Variants in ZNF516 observed in about 807,000 individuals in gnomAD.
ZNF516 encodes zinc finger protein 516.
In ZNF516, 19 loss-of-function variants were observed where a neutral mutation model predicts 79.7. The observed-to-expected ratio is 0.24, with a 90% CI of 0.17 to 0.35. The LOEUF (loss-of-function observed/expected upper bound fraction) is 0.35, where lower values mean the gene tolerates loss of function less well. Ranked by LOEUF, ZNF516 falls within the 10% of genes least tolerant of loss-of-function variation. ZNF516 has a pLI of 1.00. For missense variants in ZNF516, 1,678 were observed against 1,679.5 expected (o/e 1.00, Z 0.02); for synonymous variants, 877 against 739.5 (o/e 1.19, Z -3.02).
rs144536237 is a variant in ZNF516 at position 76,486,654 on chromosome 18, C to T, written c.-272+8490G>A. On this transcript the variant is annotated intron_variant, in intron 1 of 6. Transcript: ENST00000443185. ...AGCCAGCACCAGCAACTCCCCAGGG[C>T]GGTGAGAGACGTTGTCTACCTGGTT... Among the ~76,000 whole-genome samples, 313 of 147,460 alleles carry T rather than the reference C, an allele frequency of 2.1e-3. 2 individuals are homozygous for T. The highest frequency in any genetic ancestry group is 0.017 in the Middle Eastern group (5 of 290).
At chr18:76,396,609 A>ATCACAATT (rs1327386816) in intron 3 of ZNF516, among the ~76,000 whole-genome samples, 1 of 152,214 alleles carries the variant, frequency 6.6e-6, no homozygotes. Flanking sequence ...GGGAAACTTG[A>ATCACAATT]TGAAATCAGG....
At chr18:76,397,090 C>T (rs1168683280) in intron 3 of ZNF516, among the ~76,000 whole-genome samples, 2 of 152,174 alleles carry the variant, frequency 1.3e-5, no homozygotes, top group Admixed American at 6.5e-5. Context: ...TCAGAGGCTA[C>T]GCAGTTCAGA....
At chr18:76,416,527 T>C (rs1039713334) in intron 3 of ZNF516, among the ~76,000 whole-genome samples, 2 of 152,250 alleles carry the variant, frequency 1.3e-5, no homozygotes, top group Non-Finnish European at 2.9e-5. Context: ...AATAAAACTT[T>C]AATCCAAGCA....
Position 76,441,719 on chromosome 18 carries a change from C to A in ZNF516, c.1336G>T (p.Asp446Tyr), listed in dbSNP as rs1328169247. 6.4e-7 allele frequency: 1 copy of A among 1,573,328 alleles called. No homozygotes were observed. Among genetic ancestry groups the A allele is most frequent in the Non-Finnish European group, 8.6e-7 (1 of 1,163,974 alleles). ...YGAWDEALAG[D>Y]VAFDKDRREY... ...CGCCTGTCCTTGTCGAAGGCCACGTCCCCGGCCAGCGCCTCGTCCCAGGCC... is the reference window on the plus strand; with the variant it reads ...CGCCTGTCCTTGTCGAAGGCCACGTACCCGGCCAGCGCCTCGTCCCAGGCC... The change falls in exon 3 of 7, where the codon GAC (aspartate) becomes TAC (tyrosine). Residue 446 changes from aspartate to tyrosine, a missense_variant. Around this residue, in one of 5 missense-constraint regions of ZNF516, gnomAD observed 1,294 missense variants for 1,248.3 expected, o/e 1.04. Coordinates refer to ENST00000443185, the MANE Select transcript of ZNF516 (RefSeq NM_014643.4).
intron 1 of ZNF516, among the ~76,000 whole-genome samples, chr18:76,481,622 G>T (rs926659758): frequency 1.8e-4 from 28 of 152,194 alleles, no homozygotes; most frequent in African/African-American, 6.0e-4. Context: ...CGGGTAAAAG[G>T]GGATGGGAAT....
intron 3 of ZNF516, among the ~76,000 whole-genome samples, chr18:76,381,312 C>T (rs2074889109): frequency 6.6e-6 from 1 of 152,172 alleles, no homozygotes; most frequent in Non-Finnish European, 1.5e-5. Flanking sequence ...ATCTAGACAT[C>T]GAAACAGGGC....
In ZNF516 at chr18:76,379,365, C is replaced by A. The variant is rs983215262; in HGVS notation, c.2749G>T (p.Val917Leu). The A allele has an allele frequency of 6.3e-7, 1 of 1,594,976 alleles. No homozygotes were observed. The highest frequency in any genetic ancestry group is 2.2e-5 in the East Asian group (1 of 44,650). ...KPRQEASSKP[V>L]PAPGGGGFSR... ...AAGCCCCCGCCACCCGGGGCAGGCACCGGTTTGGAGCTAGCCTCCTGCCTG... is the reference window on the plus strand; with the variant it reads ...AAGCCCCCGCCACCCGGGGCAGGCAACGGTTTGGAGCTAGCCTCCTGCCTG... Residue 917 changes from valine to leucine, a missense_variant, in exon 4 of 7, where the codon GTG becomes TTG. Val to Leu is a conservative substitution (Grantham distance 32). Coordinates refer to ENST00000443185, the MANE Select transcript of ZNF516 (RefSeq NM_014643.4).
intron 5 of ZNF516, among the ~76,000 whole-genome samples, chr18:76,370,830 CATTA>C (rs1211998471): frequency 1.3e-5 from 2 of 152,204 alleles, no homozygotes; most frequent in Admixed American, 1.3e-4. Context: ...TCACTGACAA[CATTA>C]ATTATCGGTG....
chr18:76,491,402 C>CCCCCCGCCCGCCCCGCCCG, intron 1 of ZNF516, among the ~76,000 whole-genome samples: 1 of 133,872 alleles, frequency 7.5e-6, no homozygotes, highest in African/African-American at 2.7e-5. Context: ...CCCGCCGGCT[C>CCCCCCGCCCGCCCCGCCCG]CCCCCGCCCG....
Position 76,441,941 on chromosome 18 carries a change from C to G in ZNF516, c.1114G>C (p.Gly372Arg), listed in dbSNP as rs754152296. Reference protein sequence around the residue: ...ASRTRAPAEEGAEGPSDTKQF... With the variant: ...ASRTRAPAEERAEGPSDTKQF... Reference sequence around the variant, plus strand: ...TTGGTGTCCGAGGGCCCCTCCGCCCCCTCCTCGGCCGGGGCGCGCGTGCGG... The same window carrying G: ...TTGGTGTCCGAGGGCCCCTCCGCCCGCTCCTCGGCCGGGGCGCGCGTGCGG... Residue 372 changes from glycine (G) to arginine (R), a missense_variant, in exon 3 of 7, where the codon GGG (glycine) becomes CGG (arginine). Physicochemically the swap from Gly to Arg is moderately radical, Grantham distance 125 (BLOSUM62 -2). Coordinates refer to ENST00000443185, the MANE Select transcript of ZNF516 (RefSeq NM_014643.4). 2.5e-6 allele frequency: 4 copies of G among 1,610,516 alleles called. No individual in the cohort carries two copies. The South Asian group carries it at 4.4e-5, about 18-fold the overall frequency.
At chr18:76,408,648 C>T (rs1270119413) in intron 3 of ZNF516, among the ~76,000 whole-genome samples, 3 of 152,182 alleles carry the variant, frequency 2.0e-5, no homozygotes, top group East Asian at 1.9e-4. Context: ...AGAACATGAC[C>T]GCTAACGACA....
chr18:76,371,361 G>A lies in ZNF516; in HGVS notation c.3364+106C>T, dbSNP rs920914259. ...TGGCAGGCCCCCCGCCGCCTGGTAG[G>A]GGCTGAAATCTCAGTATCTCCCTCG... On this transcript the variant is annotated intron_variant, in intron 5 of 6. Coordinates refer to ENST00000443185, the MANE Select transcript of ZNF516 (RefSeq NM_014643.4). The A allele has an allele frequency of 5.9e-6, 7 of 1,178,668 alleles. No individual in the cohort carries two copies. The African/African-American group carries it at 1.1e-4, about 18-fold the overall frequency. 73.0% of individuals were successfully genotyped at this position (1,178,668 alleles called of 1,614,324 possible).
Position 76,362,444 on chromosome 18 carries a change from G to A in ZNF516, c.*54C>T. ...AGGTGGGAGGCTGCTGGGACATCGTGAGGGTACTGCTAATGGCCGTTACGG... is the reference window on the plus strand; with the variant it reads ...AGGTGGGAGGCTGCTGGGACATCGTAAGGGTACTGCTAATGGCCGTTACGG... On this transcript the variant is annotated 3_prime_UTR_variant, in exon 7 of 7. Transcript: ENST00000443185. 1.0e-5 allele frequency: 16 copies of A among 1,571,850 alleles called. No homozygotes were observed. Among genetic ancestry groups the A allele is most frequent in the Non-Finnish European group, 1.4e-5 (16 of 1,146,292 alleles).
At chr18:76,386,124 T>C (rs1568248458) in intron 3 of ZNF516, 2 of 152,264 alleles carry the variant, frequency 1.3e-5, no homozygotes, top group Non-Finnish European at 2.9e-5. Flanking sequence ...GTTTAGTTAA[T>C]TCCGTGAACA....
chr18:76,473,799 TC>T (rs1284521138), intron 1 of ZNF516, among the ~76,000 whole-genome samples: 1 of 136,624 alleles, frequency 7.3e-6, no homozygotes, highest in Non-Finnish European at 1.5e-5. Flanking sequence ...AGACTCCATC[TC>T]CAAAAAAAAA....
At chr18:76,460,648 T>C (rs979159995) in intron 2 of ZNF516, among the ~76,000 whole-genome samples, 1 of 152,124 alleles carries the variant, frequency 6.6e-6, no homozygotes, top group African/African-American at 2.4e-5. Flanking sequence ...ACGAGCCCAG[T>C]TGCTCATGAA....
At chr18:76,382,580 C>T (rs1269029275) in intron 3 of ZNF516, among the ~76,000 whole-genome samples, 1 of 152,144 alleles carries the variant, frequency 6.6e-6, no homozygotes, top group South Asian at 2.1e-4. Flanking sequence ...CTAGAACTTC[C>T]AGTACCTCTG....
At chr18:76,430,727 A>G (rs4891161) in intron 3 of ZNF516, among the ~76,000 whole-genome samples, 57,098 of 152,102 alleles carry the variant, frequency 0.38, 10,771 homozygotes, top group East Asian at 0.46. Flanking sequence ...TTGGAAGAGA[A>G]TTTATTCATA....
chr18:76,489,699 A>C (rs1915047911), intron 1 of ZNF516, among the ~76,000 whole-genome samples: 1 of 152,182 alleles, frequency 6.6e-6, no homozygotes, highest in African/African-American at 2.4e-5. Flanking sequence ...ATGGGAAAAC[A>C]TTGGTGAGGT....
Sources: allele counts gnomAD v4.1 joint callset (sites outside exome capture counted in the v4.1 genomes callset), GRCh38; gene constraint gnomAD v4.1.1; regional missense constraint gnomAD v4.1.1; transcripts MANE v1.5; gene names NCBI Gene and HGNC (gene_info 2026-07-23, HGNC 2026-07-21).